The following TAOK1 variants were observed in gnomAD, a reference collection of about 807,000 sequenced individuals.
The protein encoded by TAOK1 is serine/threonine-protein kinase TAO1.
In TAOK1, 21 loss-of-function variants were observed where a neutral mutation model predicts 138.3. The ratio of observed to expected loss-of-function variants is 0.15; its 90% CI spans 0.11 to 0.22. The LOEUF (loss-of-function observed/expected upper bound fraction) is 0.22, where lower values mean the gene tolerates loss of function less well. Ranked by LOEUF, TAOK1 falls within the 10% of genes least tolerant of loss-of-function variation. TAOK1 has a pLI of 1.00. For synonymous variants in TAOK1, 361 were observed against 398.4 expected (o/e 0.91, Z 1.12); for missense variants, 651 against 1,227.7 (o/e 0.53, Z 7.02).
chr17:29,428,068 A>G (rs1905703165), intron 1 of TAOK1, among the ~76,000 whole-genome samples: 1 of 152,182 alleles, frequency 6.6e-6, no homozygotes, highest in Admixed American at 6.6e-5. Context: ...TCAGGATGCC[A>G]CCCAAATGAA....
intron 2 of TAOK1, among the ~76,000 whole-genome samples, chr17:29,461,882 A>G (rs1170598879): frequency 6.6e-6 from 1 of 152,098 alleles, no homozygotes; most frequent in Admixed American, 6.6e-5. Flanking sequence ...TTTTTCTGTT[A>G]TGTTTATTGA....
At chr17:29,522,595 A>T in intron 17 of TAOK1, 76 bp downstream of exon 17, 1 of 1,565,480 alleles carries the variant, frequency 6.4e-7, no homozygotes, top group Non-Finnish European at 8.6e-7. Flanking sequence ...AAGTCTTAAG[A>T]TGATGTCTAG....
chr17:29,510,689 C>G (rs1043058509), intron 14 of TAOK1, among the ~76,000 whole-genome samples, 175 bp from the exon 15 acceptor site: 2 of 152,154 alleles, frequency 1.3e-5, no homozygotes, highest in Non-Finnish European at 1.5e-5. Context: ...CTATGAAGTT[C>G]AAATTATAAG....
chr17:29,541,519 C>G (rs73278653), intron 19 of TAOK1, among the ~76,000 whole-genome samples: 5,555 of 151,758 alleles, frequency 0.037, 316 homozygotes, highest in African/African-American at 0.13. Flanking sequence ...CTCAAATCCT[C>G]AATCCCAGCA....
Position 29,526,819 on chromosome 17 carries a change from T to TAAAA in TAOK1, c.2149-3563_2149-3560dup, listed in dbSNP as rs71138830. Among the ~76,000 whole-genome samples the TAAAA allele has an allele frequency of 4.5e-4, 23 of 50,948 alleles. 2 individuals carry two copies. Among genetic ancestry groups the TAAAA allele is most frequent in the African/African-American group, 1.8e-3 (21 of 11,506 alleles). The allele number at this position is 50,948 out of a possible 152,430, so 33.4% of individuals were successfully genotyped here. ...GGCAGCATAGGGAGATCTCATCTCT[T>TAAAA]AAAAAAAAAAAAAAAAAAAAAAAAA... On this transcript the variant is annotated intron_variant, in intron 17 of 19. Coordinates refer to ENST00000261716, the MANE Select transcript of TAOK1 (RefSeq NM_020791.4).
chr17:29,394,937 C>G (rs1484568533), intron 1 of TAOK1, among the ~76,000 whole-genome samples: 1 of 150,028 alleles, frequency 6.7e-6, no homozygotes, highest in Non-Finnish European at 1.5e-5. Context: ...TCTACAAAAA[C>G]AAATTTTTTT....
chr17:29,523,258 A>G (rs931570927), intron 17 of TAOK1, among the ~76,000 whole-genome samples: 2 of 152,058 alleles, frequency 1.3e-5, no homozygotes, highest in African/African-American at 4.8e-5. Flanking sequence ...TAAAAAGTTT[A>G]AAGCTGCACA....
At chr17:29,478,782 GATA>G (rs2030996975) in intron 6 of TAOK1, among the ~76,000 whole-genome samples, 1 of 152,122 alleles carries the variant, frequency 6.6e-6, no homozygotes, top group Non-Finnish European at 1.5e-5. Flanking sequence ...CTTGGTAACT[GATA>G]ATGACATATT....
intron 1 of TAOK1, among the ~76,000 whole-genome samples, chr17:29,430,675 C>T (rs1179596089): frequency 6.6e-6 from 1 of 152,070 alleles, no homozygotes; most frequent in South Asian, 2.1e-4. Context: ...CATGAAACAG[C>T]CTTAGGTTCC....
At position 29,550,926 on chromosome 17, in the gene TAOK1, A is replaced by G. The variant is rs1350490744; in HGVS notation, c.*7904A>G. ...CACTCCATTTGCATTATTTGTGCAA[A>G]TGCCAGGGTTGGTTTTTATTTTTAT... On this transcript the variant is annotated 3_prime_UTR_variant, in exon 20 of 20. Transcript: ENST00000261716. 2.0e-5 allele frequency: 3 copies of G among 152,532 alleles called. No individual in the cohort carries two copies. The highest frequency in any genetic ancestry group is 6.5e-5 in the Admixed American group (1 of 15,268). The allele number at this position is 152,532 out of a possible 1,614,324, so 9.4% of individuals were successfully genotyped here. A position where few individuals can be genotyped will look rare whatever the true frequency, so the allele number is the denominator to read the frequency against.
chr17:29,522,282 G>A lies in TAOK1; in HGVS notation c.1911G>A (p.Glu637=), dbSNP rs771255817. 1 of 1,614,062 alleles carries A rather than the reference G, an allele frequency of 6.2e-7. No homozygotes were observed. Among genetic ancestry groups the A allele is most frequent in the Non-Finnish European group, 8.5e-7 (1 of 1,179,982 alleles). ...TTGTCTTTTGTGTTATGGATTAGGAGTTAAACAAAAGACAGACTCAGAAGG... is the reference window on the plus strand; with the variant it reads ...TTGTCTTTTGTGTTATGGATTAGGAATTAAACAAAAGACAGACTCAGAAGG... The part of the protein sequence containing the change: ...HNLEQDLVRE[E]LNKRQTQKDL... The change falls in exon 17 of 20, where the codon GAG becomes GAA. Residue 637 remains glutamate, a splice_region_variant and synonymous_variant. Transcript: ENST00000261716.
At chr17:29,391,754 G>T (rs949701037) in intron 1 of TAOK1, among the ~76,000 whole-genome samples, 1 of 152,204 alleles carries the variant, frequency 6.6e-6, no homozygotes, top group Non-Finnish European at 1.5e-5. Context: ...ATGGCCTCTC[G>T]AGAGGGACAC....
chr17:29,496,985 A>G (rs2031427542), intron 11 of TAOK1, among the ~76,000 whole-genome samples: 1 of 151,982 alleles, frequency 6.6e-6, no homozygotes, highest in South Asian at 2.1e-4. Context: ...TCAAATTCAT[A>G]CCTCTTTTAC....
At chr17:29,537,613 T>A (rs2032244881) in intron 19 of TAOK1, among the ~76,000 whole-genome samples, 1 of 150,980 alleles carries the variant, frequency 6.6e-6, no homozygotes, top group Admixed American at 6.6e-5. Context: ...CACCTCGGCC[T>A]CCCAAAGTGC....
intron 1 of TAOK1, among the ~76,000 whole-genome samples, chr17:29,421,853 T>A (rs901536603): frequency 1.2e-3 from 187 of 152,048 alleles, no homozygotes; most frequent in African/African-American, 4.4e-3. Context: ...TCCTCGCCAC[T>A]CGGCTTCCTA....
chr17:29,471,161 A>AATATATAT (rs113334146), intron 3 of TAOK1, among the ~76,000 whole-genome samples: 1 of 149,020 alleles, frequency 6.7e-6, no homozygotes, highest in African/African-American at 2.5e-5. Context: ...TCATCTAAAA[A>AATATATAT]ATATATATAT....
At chr17:29,503,240 C>A (rs1043556356) in intron 13 of TAOK1, among the ~76,000 whole-genome samples, 1 of 151,572 alleles carries the variant, frequency 6.6e-6, no homozygotes, top group South Asian at 2.1e-4. Flanking sequence ...ACTAAAAATA[C>A]GAAAAATTAG....
At chr17:29,485,793 C>G (rs1411453181) in intron 8 of TAOK1, among the ~76,000 whole-genome samples, 2 of 152,190 alleles carry the variant, frequency 1.3e-5, no homozygotes, top group Non-Finnish European at 1.5e-5. Flanking sequence ...ATAATTTGAA[C>G]TCTTTCTCTG....
intron 13 of TAOK1, among the ~76,000 whole-genome samples, chr17:29,507,165 G>C (rs571103189): frequency 6.6e-6 from 1 of 152,032 alleles, no homozygotes; most frequent in Non-Finnish European, 1.5e-5. Flanking sequence ...AAAGGTGATA[G>C]TTGCATGGCA....
Sources: gnomAD v4.1 joint callset for allele counts (sites outside exome capture counted in the v4.1 genomes callset) on GRCh38, gnomAD v4.1.1 for gene constraint, MANE v1.5 for transcripts, NCBI Gene and HGNC (gene_info 2026-07-23, HGNC 2026-07-21) for gene names.